Variants in STK4 observed in about 807,000 individuals in gnomAD.
The protein encoded by STK4 is serine/threonine kinase 4.
In STK4, 30 loss-of-function variants were observed where a neutral mutation model predicts 64.9. That is an observed-to-expected ratio of 0.46 (90% CI 0.35 to 0.63). STK4 has a LOEUF of 0.63. STK4 is among the 20% of genes least tolerant of loss of function. The pLI is 0.01. For synonymous variants in STK4, 177 were observed against 199.0 expected, an observed-to-expected ratio of 0.89 and a Z score of 0.93; for missense variants, 466 against 598.5, an observed-to-expected ratio of 0.78 and a Z score of 2.31.
chr20:45,017,395 G>A (rs2068161496), intron 9 of STK4, among the ~76,000 whole-genome samples: 1 of 152,244 alleles, frequency 6.6e-6, no homozygotes. Context: ...TGCTAGGTAA[G>A]TGGTACAGGA....
chr20:45,039,796 G>A (rs1203373409), intron 10 of STK4, among the ~76,000 whole-genome samples: 1 of 152,142 alleles, frequency 6.6e-6, no homozygotes, highest in African/African-American at 2.4e-5. Flanking sequence ...TGTAAAGAAT[G>A]CAATAACTGC....
intron 10 of STK4, among the ~76,000 whole-genome samples, chr20:45,064,658 T>C (rs1979412280): frequency 6.6e-6 from 1 of 152,166 alleles, no homozygotes; most frequent in Admixed American, 6.5e-5. Flanking sequence ...CCTGGTTAGC[T>C]GTATTCTATT....
rs944680220 is a variant in STK4 at position 45,075,287 on chromosome 20, C to T, written c.*111C>T. 6 of 1,394,596 alleles carry T rather than the reference C, an allele frequency of 4.3e-6. No homozygotes were observed. The African/African-American group carries it at 7.2e-5, about 17-fold the overall frequency. 86.4% of individuals were successfully genotyped at this position (1,394,596 alleles called of 1,614,324 possible). Reference sequence around the variant, plus strand: ...TCTGCTCTGTCGTCTCTCCACAGCACCTTTGTGAACTCAGGAATGTGCGCC... The same window carrying T: ...TCTGCTCTGTCGTCTCTCCACAGCATCTTTGTGAACTCAGGAATGTGCGCC... On this transcript the variant is annotated 3_prime_UTR_variant, in exon 11 of 11. Transcript: ENST00000372806.
At chr20:45,020,160 A>C (rs1041825255) in intron 9 of STK4, among the ~76,000 whole-genome samples, 1 of 152,244 alleles carries the variant, frequency 6.6e-6, no homozygotes, top group African/African-American at 2.4e-5. Flanking sequence ...TAAAAGGGGC[A>C]TAATAAATAA....
At chr20:45,041,771 C>G (rs1040132680) in intron 10 of STK4, among the ~76,000 whole-genome samples, 3 of 151,800 alleles carry the variant, frequency 2.0e-5, no homozygotes, top group African/African-American at 4.8e-5. Flanking sequence ...TAAAGCAGCC[C>G]CTAAGACTCT....
intron 10 of STK4, among the ~76,000 whole-genome samples, chr20:45,045,477 A>G (rs1465739022): frequency 6.6e-6 from 1 of 152,226 alleles, no homozygotes; most frequent in Non-Finnish European, 1.5e-5. Flanking sequence ...TAAATACCCA[A>G]TGTTATAAAC....
rs561813341 is a variant in STK4 at position 45,029,651 on chromosome 20, C to A, written c.1305+4521C>A. On this transcript the variant is annotated intron_variant, in intron 10 of 10. Coordinates refer to ENST00000372806, the MANE Select transcript of STK4 (RefSeq NM_006282.5). ...TCCCAGACCAGCAGTGTTAGCATCA[C>A]CTAGAGACTGTTAGAAAGGCAGTTA... 8.3e-4 allele frequency among the ~76,000 whole-genome samples: 127 copies of A among 152,268 alleles called. 1 individual carries two copies. Among genetic ancestry groups the A allele is most frequent in the South Asian group, 4.1e-3 (20 of 4,822 alleles).
intron 2 of STK4, chr20:44,973,224 C>G (rs1328826285): frequency 1.3e-5 from 2 of 152,106 alleles, no homozygotes; most frequent in African/African-American, 4.8e-5. Context: ...ACGTTAAACC[C>G]AATCCTGGAT....
chr20:45,056,845 G>C (rs904657593), intron 10 of STK4, among the ~76,000 whole-genome samples: 2 of 152,224 alleles, frequency 1.3e-5, no homozygotes, highest in Non-Finnish European at 2.9e-5. Flanking sequence ...ATCCAAGGAA[G>C]GACAAACTGC....
intron 9 of STK4, among the ~76,000 whole-genome samples, chr20:45,024,335 TAG>T (rs1217361579): frequency 1.3e-5 from 2 of 152,060 alleles, no homozygotes; most frequent in Admixed American, 1.3e-4. Context: ...TATGATTTTA[TAG>T]AGTCAAAATC....
intron 10 of STK4, among the ~76,000 whole-genome samples, chr20:45,066,310 C>T (rs1472761889): frequency 1.3e-5 from 2 of 151,988 alleles, no homozygotes; most frequent in Non-Finnish European, 2.9e-5. Context: ...ACTGTAATCA[C>T]AAAAAACTAA....
Position 45,042,482 on chromosome 20 carries a change from G to A in STK4, c.1305+17352G>A, listed in dbSNP as rs147396576. ...ATGCAGAACTTTTCTCATTATCTAAGGTGTGTTCCTGGTGTCATTTCCCTC... is the reference window on the plus strand; with the variant it reads ...ATGCAGAACTTTTCTCATTATCTAAAGTGTGTTCCTGGTGTCATTTCCCTC... On this transcript the variant is annotated intron_variant, in intron 10 of 10. Coordinates refer to ENST00000372806, the MANE Select transcript of STK4 (RefSeq NM_006282.5). Among the ~76,000 whole-genome samples, 600 of 152,222 alleles carry A rather than the reference G, an allele frequency of 3.9e-3. 1 individual carries two copies. Among genetic ancestry groups the A allele is most frequent in the Non-Finnish European group, 6.1e-3 (413 of 68,010 alleles).
chr20:45,044,077 A>G (rs2068655632), intron 10 of STK4, among the ~76,000 whole-genome samples: 1 of 152,258 alleles, frequency 6.6e-6, no homozygotes, highest in African/African-American at 2.4e-5. Context: ...TATCAATTTT[A>G]GAACTTCCTA....
At chr20:45,011,727 ATATTTT>A (rs1052972211) in intron 9 of STK4, among the ~76,000 whole-genome samples, 10 of 107,392 alleles carry the variant, frequency 9.3e-5, no homozygotes, top group Non-Finnish European at 1.6e-4. Flanking sequence ...ATATATATAT[ATATTTT>A]TTTTTTTTTT....
At chr20:45,043,455 G>T (rs2068644822) in intron 10 of STK4, among the ~76,000 whole-genome samples, 1 of 152,178 alleles carries the variant, frequency 6.6e-6, no homozygotes, top group African/African-American at 2.4e-5. Flanking sequence ...ACCATTTGCT[G>T]AGTAGCTGTG....
chr20:45,048,676 T>C (rs1289896397), intron 10 of STK4, among the ~76,000 whole-genome samples: 1 of 152,174 alleles, frequency 6.6e-6, no homozygotes, highest in Non-Finnish European at 1.5e-5. Context: ...GAGACGGGGT[T>C]TCACCATGTT....
intron 10 of STK4, among the ~76,000 whole-genome samples, chr20:45,040,891 C>T (rs1035957548): frequency 6.6e-6 from 1 of 152,092 alleles, no homozygotes; most frequent in Non-Finnish European, 1.5e-5. Flanking sequence ...AATATCTTCC[C>T]AGCAATTCTA....
intron 9 of STK4, among the ~76,000 whole-genome samples, chr20:45,014,775 C>T (rs147912245): frequency 6.6e-6 from 1 of 152,310 alleles, no homozygotes; most frequent in Non-Finnish European, 1.5e-5. Flanking sequence ...GTCCTTACCA[C>T]ATTCCCAAGA....
intron 9 of STK4, among the ~76,000 whole-genome samples, chr20:45,009,917 T>C (rs1468156140): frequency 6.6e-6 from 1 of 152,222 alleles, no homozygotes; most frequent in African/African-American, 2.4e-5. Flanking sequence ...TCAATTCTAG[T>C]AGCCTTTTGA....
Sources: allele counts gnomAD v4.1 joint callset (sites outside exome capture counted in the v4.1 genomes callset), GRCh38; gene constraint gnomAD v4.1.1; transcripts MANE v1.5; gene names NCBI Gene and HGNC (gene_info 2026-07-23, HGNC 2026-07-21).